The following NCK2 variants were observed in gnomAD, a reference collection of about 807,000 sequenced individuals.
NCK2 encodes the protein cytoplasmic protein NCK2.
NCK2 carries 16 observed loss-of-function variants against 33.9 expected under a neutral mutation model. The observed-to-expected ratio is 0.47, with a 90% CI of 0.32 to 0.72. NCK2 has a LOEUF of 0.72. Ranked by LOEUF, NCK2 falls within the 30% of genes least tolerant of loss-of-function variation. NCK2 has a pLI of 0.03. For synonymous variants in NCK2, 273 were observed against 239.9 expected, an observed-to-expected ratio of 1.14 and a Z score of -1.27; for missense variants, 418 against 537.3, an observed-to-expected ratio of 0.78 and a Z score of 2.19.
At chr2:105,830,731 C>A (rs1012559620) in intron 2 of NCK2, among the ~76,000 whole-genome samples, 5 of 101,680 alleles carry the variant, frequency 4.9e-5, no homozygotes, top group East Asian at 2.8e-4. Context: ...TCTGATAATA[C>A]CATTCTCATT....
chr2:105,839,909 T>G (rs1422203132), intron 2 of NCK2, among the ~76,000 whole-genome samples: 2 of 152,188 alleles, frequency 1.3e-5, no homozygotes, highest in East Asian at 3.9e-4. Flanking sequence ...CAGGGCTGTG[T>G]GATCTCCGCG....
At chr2:105,747,838 G>A (rs1464419605) in intron 1 of NCK2, among the ~76,000 whole-genome samples, 1 of 152,208 alleles carries the variant, frequency 6.6e-6, no homozygotes, top group Non-Finnish European at 1.5e-5. Flanking sequence ...CCTGAGTTAA[G>A]GCAACTCAGA....
At chr2:105,796,718 A>G (rs776726523) in intron 1 of NCK2, among the ~76,000 whole-genome samples, 1 of 151,918 alleles carries the variant, frequency 6.6e-6, no homozygotes, top group Non-Finnish European at 1.5e-5. Flanking sequence ...TTTCCCTTGT[A>G]CTTTCTCATA....
chr2:105,778,155 C>T (rs752297150), intron 1 of NCK2, among the ~76,000 whole-genome samples: 1 of 152,200 alleles, frequency 6.6e-6, no homozygotes, highest in Admixed American at 6.5e-5. Context: ...GTTGGCAGGC[C>T]TCTGGGACTG....
chr2:105,814,944 C>T (rs1553456545), intron 1 of NCK2, among the ~76,000 whole-genome samples: 1 of 152,194 alleles, frequency 6.6e-6, no homozygotes, highest in Non-Finnish European at 1.5e-5. Flanking sequence ...TTTATAATAG[C>T]CCCTGAAAAT....
At chr2:105,846,083 A>G (rs1374653549) in intron 2 of NCK2, among the ~76,000 whole-genome samples, 2 of 152,334 alleles carry the variant, frequency 1.3e-5, no homozygotes, top group South Asian at 2.1e-4. Flanking sequence ...TGCTGGCACC[A>G]GGGAATCACT....
chr2:105,886,743 T>G (rs1016562686), intron 4 of NCK2, among the ~76,000 whole-genome samples: 2 of 152,226 alleles, frequency 1.3e-5, no homozygotes, highest in Non-Finnish European at 2.9e-5. Context: ...GGTGAGGTAT[T>G]ACATGTGACT....
At position 105,881,937 on chromosome 2, in the gene NCK2, G is replaced by A. The variant is rs780151498; in HGVS notation, c.836G>A (p.Arg279His). The A allele has an allele frequency of 1.3e-6, 2 of 1,559,554 alleles. No homozygotes were observed. Among genetic ancestry groups the A allele is most frequent in the South Asian group, 1.2e-5 (1 of 81,434 alleles). The change falls in exon 4 of 5, where the codon CGC (arginine) becomes CAC (histidine). Residue 279 changes from arginine (R) to histidine (H), a missense_variant. Physicochemically the swap from Arg to His is conservative, Grantham distance 29. Transcript: ENST00000233154. ...TACACCGGGCCCTCGTCCAGCGGGC[G>A]CTTCGCGGGCAGAGAGTGGTACTAC... ...ISYTGPSSSG[R>H]FAGREWYYGN...
At chr2:105,802,845 A>G (rs1446443305) in intron 1 of NCK2, among the ~76,000 whole-genome samples, 1 of 151,146 alleles carries the variant, frequency 6.6e-6, no homozygotes, top group East Asian at 2.0e-4. Flanking sequence ...ATCATCTGGA[A>G]TTCCCCTTTT....
intron 3 of NCK2, among the ~76,000 whole-genome samples, chr2:105,870,178 G>T (rs1677941677): frequency 4.6e-5 from 7 of 152,240 alleles, no homozygotes; most frequent in Admixed American, 4.6e-4. Flanking sequence ...AAGTCCATCA[G>T]TGAGACCACA....
At chr2:105,795,008 A>G (rs941994842) in intron 1 of NCK2, among the ~76,000 whole-genome samples, 5 of 152,098 alleles carry the variant, frequency 3.3e-5, no homozygotes, top group Non-Finnish European at 5.9e-5. Flanking sequence ...TGCTTTTTAA[A>G]AAAAGTTTTA....
intron 1 of NCK2, among the ~76,000 whole-genome samples, chr2:105,802,695 C>T (rs929364724): frequency 2.0e-5 from 3 of 152,216 alleles, no homozygotes; most frequent in South Asian, 2.1e-4. Context: ...TCCGCCCTCG[C>T]GATGCAGACA....
At chr2:105,870,938 T>G (rs962895808) in intron 3 of NCK2, among the ~76,000 whole-genome samples, 4 of 151,706 alleles carry the variant, frequency 2.6e-5, no homozygotes, top group African/African-American at 9.7e-5. Context: ...CGTAGGATCT[T>G]GGTGGAAGGG....
chr2:105,745,470 G>A (rs1295006179), intron 1 of NCK2, among the ~76,000 whole-genome samples: 1 of 151,904 alleles, frequency 6.6e-6, no homozygotes, highest in Non-Finnish European at 1.5e-5. Context: ...GGGGACTGGA[G>A]ACCCCCGGGT....
chr2:105,850,365 A>T (rs1023689699), intron 2 of NCK2, among the ~76,000 whole-genome samples: 1 of 152,180 alleles, frequency 6.6e-6, no homozygotes, highest in Admixed American at 6.5e-5. Flanking sequence ...GGCGTTAGTG[A>T]AAACTGTTGA....
At chr2:105,823,977 C>T (rs1209058181) in intron 2 of NCK2, among the ~76,000 whole-genome samples, 2 of 152,098 alleles carry the variant, frequency 1.3e-5, no homozygotes, top group Non-Finnish European at 2.9e-5. Context: ...CCCTGGCCGG[C>T]GTGAACTCCA....
At chr2:105,833,681 TTTG>T (rs1676283458) in intron 2 of NCK2, among the ~76,000 whole-genome samples, 2 of 152,110 alleles carry the variant, frequency 1.3e-5, no homozygotes, top group Non-Finnish European at 2.9e-5. Flanking sequence ...TTTGGCCTCT[TTTG>T]TTCAGTTCTC....
intron 1 of NCK2, among the ~76,000 whole-genome samples, chr2:105,771,213 C>T (rs1413060193): frequency 2.0e-5 from 3 of 151,930 alleles, no homozygotes; most frequent in South Asian, 2.1e-4. Context: ...TGAGCCACCG[C>T]GCCCCGCCCA....
chr2:105,846,842 A>C (rs1676872583), intron 2 of NCK2: 1 of 152,248 alleles, frequency 6.6e-6, no homozygotes, highest in African/African-American at 2.4e-5. Flanking sequence ...TGGACTGGAA[A>C]GCAGGGACGT....
Sources: allele counts gnomAD v4.1 joint callset (sites outside exome capture counted in the v4.1 genomes callset), GRCh38; gene constraint gnomAD v4.1.1; transcripts MANE v1.5; gene names NCBI Gene and HGNC (gene_info 2026-07-23, HGNC 2026-07-21).